PLXNA4: variants seen among roughly 807,000 people sequenced by gnomAD.
The protein encoded by PLXNA4 is plexin-A4.
Under a neutral mutation model 191.8 loss-of-function variants are expected in PLXNA4, and 44 were observed. The ratio of observed to expected loss-of-function variants is 0.23; its 90% CI spans 0.18 to 0.29. PLXNA4 has a LOEUF of 0.29. PLXNA4 is among the 10% of genes least tolerant of loss of function. The pLI is 1.00. For synonymous variants in PLXNA4, 1,082 were observed against 1,009.5 expected (o/e 1.07, Z -1.36); for missense variants, 1,800 against 2,488.8 (o/e 0.72, Z 5.89).
intron 3 of PLXNA4, among the ~76,000 whole-genome samples, chr7:132,444,667 G>A (rs903377928): frequency 6.6e-6 from 1 of 152,148 alleles, no homozygotes; most frequent in African/African-American, 2.4e-5. Flanking sequence ...TCTGTGTTAA[G>A]GTGTGTGTGT....
At chr7:132,465,191 C>CA (rs1796654286) in intron 3 of PLXNA4, among the ~76,000 whole-genome samples, 1 of 152,178 alleles carries the variant, frequency 6.6e-6, no homozygotes, top group South Asian at 2.1e-4. Context: ...TAGACCCCCC[C>CA]ACCAGGCAGT....
intron 1 of PLXNA4, among the ~76,000 whole-genome samples, chr7:132,574,670 A>G (rs114853546): frequency 0.016 from 2,511 of 152,234 alleles, 74 homozygotes; most frequent in African/African-American, 0.057. Context: ...ATGCTTTTCA[A>G]TCAATCAAAG....
chr7:132,390,530 C>T (rs192380135), intron 3 of PLXNA4, among the ~76,000 whole-genome samples: 1 of 151,856 alleles, frequency 6.6e-6, no homozygotes, highest in African/African-American at 2.4e-5. Flanking sequence ...CAAACCTGCA[C>T]GTTCTGCATA....
chr7:132,164,201 C>A lies in PLXNA4; in HGVS notation c.4441G>T (p.Ala1481Ser). The change falls in exon 24 of 32, where the codon GCC (alanine) becomes TCC (serine). Residue 1481 changes from alanine to serine, a missense_variant. Physicochemically the swap from Ala to Ser is moderately conservative, Grantham distance 99. This residue lies in a region of PLXNA4 where 214 missense variants were observed against 298.2 expected (regional missense o/e 0.72). Coordinates refer to ENST00000321063, the MANE Select transcript of PLXNA4 (RefSeq NM_020911.2). ...KGPIDAITGEARYSLSEDKLI... is the reference protein window; with the variant it reads ...KGPIDAITGESRYSLSEDKLI... ...TTGTCCTCGCTCAAGGAGTAGCGGG[C>A]CTCGCCCGTGATGGCGTCAATGGGG... is the stretch of plus-strand genomic sequence containing the variant. 6.2e-7 allele frequency: 1 copy of A among 1,614,246 alleles called. No individual in the cohort carries two copies. The highest frequency in any genetic ancestry group is 1.1e-5 in the South Asian group (1 of 91,080).
At chr7:132,642,887 G>T (rs564306355) in intron 2 of PLXNA4, among the ~76,000 whole-genome samples, 1 of 152,172 alleles carries the variant, frequency 6.6e-6, no homozygotes, top group African/African-American at 2.4e-5. Flanking sequence ...GATAGAAAGT[G>T]CTGGATGCAA....
intron 2 of PLXNA4, among the ~76,000 whole-genome samples, chr7:132,497,434 C>G (rs753132566): frequency 7.9e-5 from 12 of 152,182 alleles, no homozygotes; most frequent in Non-Finnish European, 1.3e-4. Context: ...AATACCTCCT[C>G]AGGGGTAGAG....
At chr7:132,268,858 C>T (rs1225768669) in intron 4 of PLXNA4, among the ~76,000 whole-genome samples, 2 of 152,132 alleles carry the variant, frequency 1.3e-5, no homozygotes. Flanking sequence ...AGTATCATGT[C>T]ACCTTTTCCT....
rs7792182 is a variant in PLXNA4, at chr7:132,181,710, G to A, written c.3253-90C>T. On this transcript the variant is annotated intron_variant, in intron 17 of 31. Coordinates refer to ENST00000321063, the MANE Select transcript of PLXNA4 (RefSeq NM_020911.2). ...ATAGTGGGCCTCCCTGGATGTCATC[G>A]GGATAGCAAGGGGTTGACAAGAGGA... The A allele has an allele frequency of 2.1e-3, 3,152 of 1,524,450 alleles. 46 individuals are homozygous for A. In the African/African-American group the frequency reaches 0.036, roughly 17 times the overall value. The allele number at this position is 1,524,450 out of a possible 1,614,324, so 94.4% of individuals were successfully genotyped here.
chr7:132,561,751 C>CTCCTT, intron 1 of PLXNA4, among the ~76,000 whole-genome samples: 1 of 138,422 alleles, frequency 7.2e-6, no homozygotes, highest in Non-Finnish European at 1.6e-5. Flanking sequence ...TCCTTCTTCT[C>CTCCTT]CTCCTCCTCC....
chr7:132,520,696 T>A (rs769176156), intron 1 of PLXNA4, among the ~76,000 whole-genome samples: 2 of 152,146 alleles, frequency 1.3e-5, no homozygotes, highest in Non-Finnish European at 2.9e-5. Flanking sequence ...CGAGAGTCCA[T>A]ACACTCAGAT....
intron 3 of PLXNA4, chr7:132,383,911 T>C (rs757550584): frequency 1.0e-6 from 1 of 985,478 alleles, no homozygotes; most frequent in Non-Finnish European, 1.2e-6. Flanking sequence ...CACATGGAAC[T>C]CCTGGGACGT....
At chr7:132,386,629 TAGTC>T (rs1311080845) in intron 3 of PLXNA4, among the ~76,000 whole-genome samples, 6 of 152,192 alleles carry the variant, frequency 3.9e-5, no homozygotes, top group Admixed American at 3.3e-4. Context: ...CCTCTCTCGT[TAGTC>T]AGCCTTTCCT....
chr7:132,366,475 GA>G, intron 3 of PLXNA4, among the ~76,000 whole-genome samples: 1 of 152,174 alleles, frequency 6.6e-6, no homozygotes, highest in Admixed American at 6.5e-5. Context: ...AGTGAGCCGA[GA>G]TTGTGTGACT....
intron 2 of PLXNA4, among the ~76,000 whole-genome samples, chr7:132,631,637 C>T (rs951727804): frequency 6.6e-6 from 1 of 152,086 alleles, no homozygotes; most frequent in Non-Finnish European, 1.5e-5. Flanking sequence ...TAGCTGTGTC[C>T]CTGAATGAGC....
intron 4 of PLXNA4, among the ~76,000 whole-genome samples, chr7:132,272,636 A>T (rs887992609): frequency 6.6e-5 from 10 of 152,214 alleles, no homozygotes; most frequent in Admixed American, 2.0e-4. Flanking sequence ...ATACAGTATG[A>T]TACAATTGTT....
At chr7:132,536,854 C>A (rs1295381180) in intron 1 of PLXNA4, among the ~76,000 whole-genome samples, 1 of 152,214 alleles carries the variant, frequency 6.6e-6, no homozygotes, top group South Asian at 2.1e-4. Context: ...CAGAAAGAGA[C>A]AGTCATGAGG....
At chr7:132,498,648 G>A (rs959254692) in intron 2 of PLXNA4, among the ~76,000 whole-genome samples, 4 of 152,134 alleles carry the variant, frequency 2.6e-5, no homozygotes, top group African/African-American at 9.7e-5. Flanking sequence ...TGGGGTTTGG[G>A]ACTATCTGTG....
At chr7:132,298,351 TA>T in intron 3 of PLXNA4, 129 bp from the exon 4 acceptor site, 10 of 1,274,952 alleles carry the variant, frequency 7.8e-6, no homozygotes, top group Non-Finnish European at 1.1e-5. Flanking sequence ...GCTCACAGGC[TA>T]AAGCCAAGGA....
In PLXNA4 at chr7:132,358,541, A is replaced by G. The variant is rs114740561; in HGVS notation, c.1372-60319T>C. ...AGATTACTTGGAAGTAATTAGCCAT[A>G]TAGAATCTTTGGGTATGGCCGTTTA... On this transcript the variant is annotated intron_variant, in intron 3 of 31. Coordinates refer to ENST00000321063, the MANE Select transcript of PLXNA4 (RefSeq NM_020911.2). Among the ~76,000 whole-genome samples, 813 of 152,342 alleles carry G rather than the reference A, an allele frequency of 5.3e-3. 6 individuals carry two copies. Among genetic ancestry groups the G allele is most frequent in the African/African-American group, 0.019 (785 of 41,586 alleles).
Sources: allele counts gnomAD v4.1 joint callset (sites outside exome capture counted in the v4.1 genomes callset), GRCh38; gene constraint gnomAD v4.1.1; regional missense constraint gnomAD v4.1.1; transcripts MANE v1.5; gene names NCBI Gene and HGNC (gene_info 2026-07-23, HGNC 2026-07-21).